RNF13: variants seen among roughly 807,000 people sequenced by gnomAD.
The protein encoded by RNF13 is E3 ubiquitin-protein ligase RNF13.
Under a neutral mutation model 37.7 loss-of-function variants are expected in RNF13, and 19 were observed. The ratio of observed to expected loss-of-function variants is 0.50; its 90% CI spans 0.35 to 0.74. The LOEUF (loss-of-function observed/expected upper bound fraction) is 0.74, where lower values mean the gene tolerates loss of function less well. RNF13 is among the 30% of genes least tolerant of loss of function. The pLI, the probability that RNF13 is intolerant of heterozygous loss-of-function variation, is 0.01. For missense variants in RNF13, 375 were observed against 453.0 expected, an observed-to-expected ratio of 0.83 and a Z score of 1.56; for synonymous variants, 144 against 157.8, an observed-to-expected ratio of 0.91 and a Z score of 0.65.
At chr3:149,841,655 TG>T (rs1722191984) in intron 1 of RNF13, among the ~76,000 whole-genome samples, 1 of 152,186 alleles carries the variant, frequency 6.6e-6, no homozygotes, top group Non-Finnish European at 1.5e-5. Context: ...AGTCCTGCTC[TG>T]TTGCTCAGGC....
At chr3:149,957,599 T>G (rs1721986110) in intron 8 of RNF13, among the ~76,000 whole-genome samples, 1 of 152,148 alleles carries the variant, frequency 6.6e-6, no homozygotes, top group South Asian at 2.1e-4. Context: ...AAGCATAAGG[T>G]TGGTTAGAGA....
In RNF13 at chr3:149,912,005, T is replaced by G. The variant is rs771604937; in HGVS notation, c.528T>G (p.Phe176Leu). Residue 176 changes from phenylalanine to leucine, a missense_variant, in exon 7 of 10, where the codon TTT (phenylalanine) becomes TTG (leucine). Coordinates refer to ENST00000392894, the MANE Select transcript of RNF13 (RefSeq NM_183381.3). ...GCCACCTTATCTTAGTTCCAGAATT[T>G]AGTCTTCCTTTGGAATACTACCTAA... ...KGGHLILVPEFSLPLEYYLIP... is the reference protein window; with the variant it reads ...KGGHLILVPELSLPLEYYLIP... 2 of 1,592,882 alleles carry G rather than the reference T, an allele frequency of 1.3e-6. No homozygotes were observed. Among genetic ancestry groups the G allele is most frequent in the South Asian group, 2.2e-5 (2 of 90,116 alleles).
At chr3:149,853,303 G>C (rs940453593) in intron 3 of RNF13, among the ~76,000 whole-genome samples, 2 of 152,020 alleles carry the variant, frequency 1.3e-5, no homozygotes, top group African/African-American at 4.8e-5. Flanking sequence ...AAAAAGTTTG[G>C]AACGATTTAG....
intron 8 of RNF13, among the ~76,000 whole-genome samples, chr3:149,931,305 C>T (rs572424013): frequency 1.3e-5 from 2 of 152,180 alleles, no homozygotes; most frequent in African/African-American, 4.8e-5. Flanking sequence ...TCAAGTGATC[C>T]TCCCACTTTG....
rs1576765240 is a variant in RNF13 at position 149,853,268 on chromosome 3, G to A, written c.195+672G>A. ...TTGTGGCATGAATGTTTAAAGTTTT[G>A]TTCTGTATTTTCAGTTCTTCCTCCA... On this transcript the variant is annotated intron_variant, in intron 3 of 9. Coordinates refer to ENST00000392894, the MANE Select transcript of RNF13 (RefSeq NM_183381.3). 3.3e-5 allele frequency among the ~76,000 whole-genome samples: 5 copies of A among 152,074 alleles called. No individual in the cohort carries two copies. In the East Asian group the frequency reaches 7.7e-4, roughly 23 times the overall value.
intron 3 of RNF13, among the ~76,000 whole-genome samples, chr3:149,861,679 A>G (rs929218390): frequency 6.6e-6 from 1 of 152,172 alleles, no homozygotes; most frequent in South Asian, 2.1e-4. Context: ...GGGTACAAAC[A>G]TGCAGTTAGA....
chr3:149,906,912 CAA>C (rs1312874289), intron 6 of RNF13, among the ~76,000 whole-genome samples: 1 of 152,130 alleles, frequency 6.6e-6, no homozygotes, highest in African/African-American at 2.4e-5. Context: ...CTCAGCTCCA[CAA>C]AGTGTTGGGA....
At chr3:149,892,086 G>A (rs1714769935) in intron 4 of RNF13, among the ~76,000 whole-genome samples, 1 of 152,090 alleles carries the variant, frequency 6.6e-6, no homozygotes, top group Non-Finnish European at 1.5e-5. Context: ...CTTCATACTT[G>A]CTACATTTTT....
rs911508981 is a variant in RNF13, at chr3:149,961,410, A to G, written c.*306A>G. The G allele has an allele frequency of 2.0e-5, 10 of 510,742 alleles. No individual in the cohort carries two copies. The highest frequency in any genetic ancestry group is 1.4e-4 in the African/African-American group (7 of 51,820). The allele number at this position is 510,742 out of a possible 1,614,324, so 31.6% of individuals were successfully genotyped here. On this transcript the variant is annotated 3_prime_UTR_variant, in exon 10 of 10. Coordinates refer to ENST00000392894, the MANE Select transcript of RNF13 (RefSeq NM_183381.3). ...AGCTTGCAATTAAGACCTAGATCAC[A>G]GTATTTAAGTGTTTTGCGTTTTATA...
At chr3:149,871,512 A>AAAATTTTCCT (rs1712057618) in intron 3 of RNF13, among the ~76,000 whole-genome samples, 1 of 151,464 alleles carries the variant, frequency 6.6e-6, no homozygotes, top group Admixed American at 6.6e-5. Flanking sequence ...AATATACTAT[A>AAAATTTTCCT]ATTGTTTAAA....
intron 4 of RNF13, among the ~76,000 whole-genome samples, chr3:149,885,047 A>C (rs989769486): frequency 2.0e-4 from 30 of 152,154 alleles, no homozygotes; most frequent in African/African-American, 7.2e-4. Context: ...TCATGTTGCA[A>C]ATGACAGGAT....
chr3:149,848,345 ATGCT>A (rs962981199), intron 2 of RNF13, among the ~76,000 whole-genome samples: 3 of 152,182 alleles, frequency 2.0e-5, no homozygotes, highest in Admixed American at 2.0e-4. Context: ...TCTGGTCTCT[ATGCT>A]GTCCATAAGG....
intron 9 of RNF13, among the ~76,000 whole-genome samples, chr3:149,960,528 G>A (rs950359064): frequency 6.6e-6 from 1 of 151,920 alleles, no homozygotes; most frequent in African/African-American, 2.4e-5. Flanking sequence ...GGAGGCAGAG[G>A]TTACAGTGAG....
At position 149,865,810 on chromosome 3, in the gene RNF13, G is replaced by A. The variant is rs369744155; in HGVS notation, c.196-6219G>A. ...ATCTTTATGCTTTTTTGATATAAGCGTTTGTTACAGGAAAGGGGTCCCGAT... is the reference window on the plus strand; with the variant it reads ...ATCTTTATGCTTTTTTGATATAAGCATTTGTTACAGGAAAGGGGTCCCGAT... On this transcript the variant is annotated intron_variant, in intron 3 of 9. Transcript: ENST00000392894. Among the ~76,000 whole-genome samples, 17 of 152,124 alleles carry A rather than the reference G, an allele frequency of 1.1e-4. No homozygotes were observed. In the East Asian group the frequency reaches 1.7e-3, roughly 16 times the overall value.
intron 6 of RNF13, among the ~76,000 whole-genome samples, chr3:149,909,381 G>A (rs1221915422): frequency 6.7e-6 from 1 of 150,056 alleles, no homozygotes; most frequent in African/African-American, 2.5e-5. Context: ...TTCAAGCTAA[G>A]TTTCCAGCCT....
chr3:149,876,792 T>TTC, intron 4 of RNF13, among the ~76,000 whole-genome samples: 1 of 149,764 alleles, frequency 6.7e-6, no homozygotes, highest in African/African-American at 2.5e-5. Flanking sequence ...TTTTTTTTTT[T>TTC]TTTGAGATGG....
intron 7 of RNF13, among the ~76,000 whole-genome samples, chr3:149,914,485 G>A (rs560786642): frequency 6.6e-6 from 1 of 152,152 alleles, no homozygotes; most frequent in African/African-American, 2.4e-5. Flanking sequence ...CAAGAAAGTA[G>A]AGAGTAAGTT....
At chr3:149,941,045 T>C (rs1720208083) in intron 8 of RNF13, among the ~76,000 whole-genome samples, 1 of 152,204 alleles carries the variant, frequency 6.6e-6, no homozygotes, top group Non-Finnish European at 1.5e-5. Context: ...TTTTTAAAGA[T>C]TTCATAATAC....
intron 4 of RNF13, among the ~76,000 whole-genome samples, chr3:149,876,926 G>A (rs1190099873): frequency 6.6e-6 from 1 of 151,586 alleles, no homozygotes; most frequent in Non-Finnish European, 1.5e-5. Flanking sequence ...TTACAGGTGC[G>A]TGCCACCACG....
Sources: allele counts gnomAD v4.1 joint callset (sites outside exome capture counted in the v4.1 genomes callset), GRCh38; gene constraint gnomAD v4.1.1; transcripts MANE v1.5; gene names NCBI Gene and HGNC (gene_info 2026-07-23, HGNC 2026-07-21).